Variants in EIF4E3 observed in about 807,000 individuals in gnomAD.
EIF4E3 encodes the protein eukaryotic translation initiation factor 4E type 3.
A neutral mutation model predicts 31.7 loss-of-function variants in EIF4E3; 26 were observed. That is an observed-to-expected ratio of 0.82 (90% CI 0.60 to 1.14). The LOEUF is 1.14. Among genes scored for constraint, EIF4E3 ranks in the 50% most tolerant of loss-of-function variants. The pLI, the probability that EIF4E3 is intolerant of heterozygous loss-of-function variation, is 0.00. For synonymous variants in EIF4E3, 128 were observed against 107.7 expected (o/e 1.19, Z -1.17); for missense variants, 304 against 270.9 (o/e 1.12, Z -0.86).
At chr3:71,747,475 G>C (rs900691893) in intron 1 of EIF4E3, among the ~76,000 whole-genome samples, 4 of 152,116 alleles carry the variant, frequency 2.6e-5, no homozygotes, top group African/African-American at 9.7e-5. Context: ...AAATTGGGTT[G>C]TCTTTTTTGA....
At chr3:71,735,768 ATT>A (rs57732888) in intron 1 of EIF4E3, among the ~76,000 whole-genome samples, 2 of 146,400 alleles carry the variant, frequency 1.4e-5, no homozygotes, top group Non-Finnish European at 1.5e-5. Context: ...ACATCTTTTC[ATT>A]TTTTTTTTTT....
the EIF4E3 span, among the ~76,000 whole-genome samples, chr3:71,659,851 T>G: frequency 6.6e-6 from 1 of 152,184 alleles, no homozygotes; most frequent in Admixed American, 6.5e-5. Flanking sequence ...CATAAGGCAG[T>G]TAAGTTTTGT....
downstream of EIF4E3, among the ~76,000 whole-genome samples, chr3:71,672,983 T>C (rs1415563145): frequency 2.0e-5 from 3 of 152,116 alleles, no homozygotes; most frequent in African/African-American, 7.2e-5. Flanking sequence ...AAGACCACTG[T>C]GAGTGAGAGA....
At chr3:71,695,654 C>CT (rs561005353) in intron 4 of EIF4E3, among the ~76,000 whole-genome samples, 44 of 152,188 alleles carry the variant, frequency 2.9e-4, no homozygotes, top group African/African-American at 9.6e-4. Flanking sequence ...CTGGTCGTGT[C>CT]TTTAGGTATG....
intron 1 of EIF4E3, among the ~76,000 whole-genome samples, chr3:71,720,935 G>C (rs1156318843): frequency 6.6e-6 from 1 of 152,208 alleles, no homozygotes; most frequent in Non-Finnish European, 1.5e-5. Flanking sequence ...GGGTGCTTGA[G>C]AGAAAGAAGA....
chr3:71,703,009 C>CTTTA (rs1036465174), intron 2 of EIF4E3, among the ~76,000 whole-genome samples: 6 of 152,136 alleles, frequency 3.9e-5, no homozygotes, highest in African/African-American at 1.4e-4. Flanking sequence ...TTTCAGAAGC[C>CTTTA]TTTAGGCTTA....
chr3:71,664,475 C>T, the EIF4E3 span, among the ~76,000 whole-genome samples: 1 of 152,058 alleles, frequency 6.6e-6, no homozygotes, highest in African/African-American at 2.4e-5. Flanking sequence ...TGGCCTGGCA[C>T]AGCACTTCCA....
chr3:71,686,837 T>C (rs1388109010), intron 6 of EIF4E3, among the ~76,000 whole-genome samples: 4 of 152,150 alleles, frequency 2.6e-5, no homozygotes, highest in Non-Finnish European at 5.9e-5. Context: ...CATTCAGAAT[T>C]GGGAGTGCCT....
At chr3:71,695,973 G>A (rs1367889136) in intron 4 of EIF4E3, among the ~76,000 whole-genome samples, 1 of 152,174 alleles carries the variant, frequency 6.6e-6, no homozygotes, top group Non-Finnish European at 1.5e-5. Context: ...GCCCCAGAGG[G>A]AGATGGAGCA....
chr3:71,734,680 G>C (rs1267015645), intron 1 of EIF4E3, among the ~76,000 whole-genome samples: 2 of 151,958 alleles, frequency 1.3e-5, no homozygotes, highest in Non-Finnish European at 2.9e-5. Context: ...TAAATTAGCA[G>C]TGAAAAAAAC....
At chr3:71,740,238 C>G (rs971249928) in intron 1 of EIF4E3, among the ~76,000 whole-genome samples, 1 of 152,028 alleles carries the variant, frequency 6.6e-6, no homozygotes, top group African/African-American at 2.4e-5. Flanking sequence ...TTAAATCTTA[C>G]CATATTAATA....
At chr3:71,715,236 A>G (rs1019308276) in intron 1 of EIF4E3, among the ~76,000 whole-genome samples, 1 of 152,266 alleles carries the variant, frequency 6.6e-6, no homozygotes, top group Admixed American at 6.5e-5. Context: ...CAGAATGTCC[A>G]TGGTGCCCAT....
intron 3 of EIF4E3, 131 bp from the exon 4 acceptor site, chr3:71,696,651 C>T: frequency 6.8e-6 from 7 of 1,023,048 alleles, no homozygotes; most frequent in South Asian, 1.7e-5. Context: ...GGGCATTTTT[C>T]TTATTTTTGT....
At chr3:71,732,435 A>G (rs1019096138) in intron 1 of EIF4E3, among the ~76,000 whole-genome samples, 2 of 152,112 alleles carry the variant, frequency 1.3e-5, no homozygotes, top group African/African-American at 4.8e-5. Context: ...ATGTCAGTAT[A>G]TAGGTTTTGT....
intron 4 of EIF4E3, among the ~76,000 whole-genome samples, chr3:71,695,054 A>G (rs1356003637): frequency 2.0e-5 from 3 of 152,210 alleles, no homozygotes; most frequent in African/African-American, 7.2e-5. Context: ...GGAACTGAAA[A>G]GTGACCTTTC....
chr3:71,737,457 G>T (rs149406156), intron 1 of EIF4E3, among the ~76,000 whole-genome samples: 2 of 152,232 alleles, frequency 1.3e-5, no homozygotes, highest in African/African-American at 2.4e-5. Context: ...CTGTAAGGTG[G>T]GTTGAGCCAC....
chr3:71,669,981 A>G, the EIF4E3 span, among the ~76,000 whole-genome samples: 8 of 152,216 alleles, frequency 5.3e-5, no homozygotes, highest in Non-Finnish European at 8.8e-5. Context: ...AAGACACAAC[A>G]CTGACAAGAA....
chr3:71,694,008 G>A, intron 4 of EIF4E3, 67 bp from the exon 5 acceptor site: 1 of 1,425,744 alleles, frequency 7.0e-7, no homozygotes, highest in Non-Finnish European at 9.3e-7. Context: ...ATTATCCTCA[G>A]GAGCTAAACA....
the EIF4E3 span, among the ~76,000 whole-genome samples, chr3:71,663,314 C>G: frequency 0.018 from 2,712 of 152,264 alleles, 80 homozygotes; most frequent in African/African-American, 0.062. Context: ...CCTTGAGCAT[C>G]TCTAAAGCTG....
Sources: allele counts gnomAD v4.1 joint callset (sites outside exome capture counted in the v4.1 genomes callset), GRCh38; gene constraint gnomAD v4.1.1; transcripts MANE v1.5; gene names NCBI Gene and HGNC (gene_info 2026-07-23, HGNC 2026-07-21).